The following ZNF469 variants were observed in gnomAD, a reference collection of about 807,000 sequenced individuals.
The protein encoded by ZNF469 is zinc finger protein 469.
ZNF469 carries 1 observed loss-of-function variant against 1.0 expected under a neutral mutation model. That is an observed-to-expected ratio of 1.00 (90% CI 0.35 to 4.73). ZNF469 has a LOEUF of 4.73. ZNF469 is among the 30% of genes most tolerant of loss of function. The pLI is 0.16. For missense variants in ZNF469, 6,100 were observed against 5,356.3 expected, an observed-to-expected ratio of 1.14 and a Z score of -4.33; for synonymous variants, 2,703 against 2,363.4, an observed-to-expected ratio of 1.14 and a Z score of -4.17.
the ZNF469 span, among the ~76,000 whole-genome samples, chr16:88,110,300 C>T: frequency 6.6e-6 from 1 of 152,236 alleles, no homozygotes; most frequent in African/African-American, 2.4e-5. Flanking sequence ...CCTGAGGCTC[C>T]ACATTGCTGA....
Position 88,434,443 on chromosome 16 carries a change from G to T in ZNF469, c.6973G>T (p.Gly2325Cys), listed in dbSNP as rs767983355. 2 of 1,549,604 alleles carry T rather than the reference G, an allele frequency of 1.3e-6. No homozygotes were observed. Among genetic ancestry groups the T allele is most frequent in the African/African-American group, 2.7e-5 (2 of 73,044 alleles). Residue 2325 changes from glycine to cysteine, a missense_variant, in exon 3 of 3, where the codon GGC becomes TGC. Gly to Cys is a radical substitution (Grantham distance 159, BLOSUM62 -3). Transcript: ENST00000565624. ...CACCAACCCTGACAGGATGCCCAGG[G>T]GCCACTCCTCGTATTCTCCAAGCAA... ...PHTNPDRMPR[G>C]HSSYSPSNTA...
At position 88,433,520 on chromosome 16, in the gene ZNF469, C is replaced by T; in HGVS notation, c.6050C>T (p.Ser2017Leu). 1 of 1,550,252 alleles carries T rather than the reference C, an allele frequency of 6.5e-7. No homozygotes were observed. The highest frequency in any genetic ancestry group is 1.2e-5 in the South Asian group (1 of 84,044). Reference sequence around the variant, plus strand: ...CCAGGGGGCACGGACAACCACGCCTCAGTCAATGCCAGTCCCAAAACAGCG... The same window carrying T: ...CCAGGGGGCACGGACAACCACGCCTTAGTCAATGCCAGTCCCAAAACAGCG... ...VSPGGTDNHA[S>L]VNASPKTALT... is the part of the protein sequence containing the mutation. Residue 2017 changes from serine to leucine, a missense_variant, in exon 3 of 3, where the codon TCA (serine) becomes TTA (leucine). Physicochemically the swap from Ser to Leu is moderately radical, Grantham distance 145. Coordinates refer to ENST00000565624, the MANE Select transcript of ZNF469 (RefSeq NM_001367624.2).
At chr16:88,357,038 C>T in the ZNF469 span, among the ~76,000 whole-genome samples, 23 of 152,374 alleles carry the variant, frequency 1.5e-4, no homozygotes, top group South Asian at 6.2e-4. Flanking sequence ...GCCCGGCCAG[C>T]CCCGGTTACG....
chr16:88,137,251 G>A, the ZNF469 span, among the ~76,000 whole-genome samples: 7 of 152,218 alleles, frequency 4.6e-5, no homozygotes, highest in African/African-American at 1.7e-4. Context: ...ATAGAGCCAT[G>A]TATGTGTAAA....
At chr16:88,272,827 C>A in the ZNF469 span, among the ~76,000 whole-genome samples, 2 of 145,342 alleles carry the variant, frequency 1.4e-5, no homozygotes, top group Non-Finnish European at 3.0e-5. Context: ...GATGGATGAA[C>A]AGGTGGGTGT....
upstream of ZNF469, among the ~76,000 whole-genome samples, chr16:88,382,812 G>T (rs1271883096): frequency 3.0e-4 from 46 of 152,292 alleles, no homozygotes; most frequent in Non-Finnish European, 2.9e-5. Flanking sequence ...TGAAGAGGGG[G>T]TTCAGGGAGC....
the ZNF469 span, among the ~76,000 whole-genome samples, chr16:88,155,574 T>G: frequency 6.6e-6 from 1 of 152,250 alleles, no homozygotes; most frequent in Admixed American, 6.5e-5. Context: ...ACGTGGCCTC[T>G]GCCTGTGGCC....
At chr16:88,171,289 C>G in the ZNF469 span, among the ~76,000 whole-genome samples, 1 of 152,216 alleles carries the variant, frequency 6.6e-6, no homozygotes, top group East Asian at 1.9e-4. Flanking sequence ...CCATCTGCCA[C>G]CTGTTCCAGG....
the ZNF469 span, among the ~76,000 whole-genome samples, chr16:88,187,599 AT>A: frequency 6.6e-6 from 1 of 151,204 alleles, no homozygotes; most frequent in South Asian, 2.1e-4. Context: ...TTTTTTATTT[AT>A]TTTTTTTGAC....
chr16:88,434,515 C>T lies in ZNF469; in HGVS notation c.7045C>T (p.Pro2349Ser). 6.5e-7 allele frequency: 1 copy of T among 1,550,240 alleles called. No homozygotes were observed. Among genetic ancestry groups the T allele is most frequent in the Admixed American group, 2.0e-5 (1 of 51,014 alleles). The change falls in exon 3 of 3, where the codon CCC (proline) becomes TCC (serine). Residue 2349 changes from proline (P) to serine (S), a missense_variant. By Grantham distance (74) the Pro-to-Ser change is moderately conservative. Transcript: ENST00000565624. ...HREGQAVTAV[P>S]TEPPTLQGAG... ...GGAGGGCCAGGCTGTCACAGCTGTG[C>T]CCACTGAGCCTCCCACGCTACAGGG...
the ZNF469 span, among the ~76,000 whole-genome samples, chr16:88,315,621 G>C: frequency 6.6e-6 from 1 of 152,184 alleles, no homozygotes; most frequent in African/African-American, 2.4e-5. Context: ...CAGAAGGAGG[G>C]TGGCCATCCT....
chr16:88,160,934 G>C, the ZNF469 span, among the ~76,000 whole-genome samples: 1 of 152,208 alleles, frequency 6.6e-6, no homozygotes, highest in African/African-American at 2.4e-5. Flanking sequence ...TTTGACATCA[G>C]GAGTTCAAGA....
At chr16:88,230,905 A>G in the ZNF469 span, among the ~76,000 whole-genome samples, 2 of 151,978 alleles carry the variant, frequency 1.3e-5, no homozygotes, top group East Asian at 1.9e-4. Context: ...GGGAGCTGTC[A>G]GCATGCTGGG....
chr16:88,265,602 C>T, the ZNF469 span, among the ~76,000 whole-genome samples: 53 of 152,182 alleles, frequency 3.5e-4, no homozygotes, highest in African/African-American at 1.2e-3. Flanking sequence ...AGAGCCACAC[C>T]GTGTGGCTGG....
the ZNF469 span, among the ~76,000 whole-genome samples, chr16:88,372,836 T>G: frequency 6.8e-6 from 1 of 147,646 alleles, no homozygotes; most frequent in East Asian, 2.1e-4. Context: ...CTTTACCATC[T>G]TTACCATCAC....
Position 88,434,076 on chromosome 16 carries a change from C to T in ZNF469, c.6606C>T (p.Ser2202=). The part of the protein sequence containing the change: ...SPVAPPSLTT[S]PCDPKEALAG... Reference sequence around the variant, plus strand: ...TGGCTCCCCCGTCTTTGACAACAAGCCCCTGCGATCCCAAGGAAGCCCTGG... The same window carrying T: ...TGGCTCCCCCGTCTTTGACAACAAGTCCCTGCGATCCCAAGGAAGCCCTGG... Residue 2202 remains serine (S), a synonymous_variant, in exon 3 of 3, where the codon AGC becomes AGT. Coordinates refer to ENST00000565624, the MANE Select transcript of ZNF469 (RefSeq NM_001367624.2). The T allele has an allele frequency of 1.3e-6, 2 of 1,550,414 alleles. No individual in the cohort carries two copies. The highest frequency in any genetic ancestry group is 1.7e-6 in the Non-Finnish European group (2 of 1,146,958).
At chr16:88,270,460 G>T in the ZNF469 span, among the ~76,000 whole-genome samples, 1 of 152,220 alleles carries the variant, frequency 6.6e-6, no homozygotes, top group Non-Finnish European at 1.5e-5. Context: ...ACAGCCAGAG[G>T]CTCAGGACAA....
chr16:88,152,358 C>T, the ZNF469 span, among the ~76,000 whole-genome samples: 2 of 152,238 alleles, frequency 1.3e-5, no homozygotes, highest in African/African-American at 4.8e-5. The surrounding 1 kb of genome is among the most constrained non-coding windows in gnomAD (Gnocchi z 4.2). Flanking sequence ...CTCTCCAACA[C>T]TCCTCTGCAG....
the ZNF469 span, among the ~76,000 whole-genome samples, chr16:88,206,834 C>T: frequency 2.9e-5 from 2 of 70,118 alleles, no homozygotes; most frequent in African/African-American, 5.9e-5. Context: ...GAGGGGAGGC[C>T]GCGGGGACGG....
Sources: allele counts gnomAD v4.1 joint callset (sites outside exome capture counted in the v4.1 genomes callset), GRCh38; gene constraint gnomAD v4.1.1; non-coding constraint Gnocchi (gnomAD v3.1); transcripts MANE v1.5; gene names NCBI Gene and HGNC (gene_info 2026-07-23, HGNC 2026-07-21).